ACTR1A: variants seen among roughly 807,000 people sequenced by gnomAD.
The protein encoded by ACTR1A is alpha-centractin.
In ACTR1A, 10 loss-of-function variants were observed where a neutral mutation model predicts 50.7. The observed-to-expected ratio is 0.20, with a 90% CI of 0.12 to 0.33. The LOEUF (loss-of-function observed/expected upper bound fraction) is 0.33. Among genes scored for constraint, ACTR1A ranks in the 10% least tolerant of loss-of-function variants. The pLI is 1.00. For missense variants in ACTR1A, 253 were observed against 491.7 expected (o/e 0.51, Z 4.59); for synonymous variants, 177 against 184.2 (o/e 0.96, Z 0.32).
At position 102,481,953 on chromosome 10, in the gene ACTR1A, C is replaced by G; in HGVS notation, c.925+48G>C. The G allele has an allele frequency of 1.9e-6, 3 of 1,613,792 alleles. No homozygotes were observed. The South Asian group carries it at 3.3e-5, about 18-fold the overall frequency. ...CAATTCTCAGGGTGCCTGGAGCCAG[C>G]AGGAGCTGAACACTTCCAGGGGAAG... On this transcript the variant is annotated intron_variant, in intron 8 of 10. Coordinates refer to ENST00000369905, the MANE Select transcript of ACTR1A (RefSeq NM_005736.4).
Position 102,483,179 on chromosome 10 carries a change from T to C in ACTR1A, c.658-76A>G, listed in dbSNP as rs557088470. The C allele has an allele frequency of 3.6e-6, 4 of 1,114,466 alleles. No homozygotes were observed. The African/African-American group carries it at 4.6e-5, about 13-fold the overall frequency. 69.0% of individuals were successfully genotyped at this position (1,114,466 alleles called of 1,614,324 possible). On this transcript the variant is annotated intron_variant, in intron 6 of 10. Transcript: ENST00000369905. ...CAGTCAAAGGCCCAGGGGAGGAATG[T>C]GCTGCTGCACAAACCTGTCTAAACG...
At chr10:102,502,178 G>A (rs1291748906) in intron 1 of ACTR1A, among the ~76,000 whole-genome samples, 1 of 152,250 alleles carries the variant, frequency 6.6e-6, no homozygotes, top group South Asian at 2.1e-4. Context: ...CGGCAAGGAA[G>A]AATGGCAGGG....
At chr10:102,496,675 A>T (rs1189543924) in intron 1 of ACTR1A, among the ~76,000 whole-genome samples, 1 of 152,238 alleles carries the variant, frequency 6.6e-6, no homozygotes, top group Non-Finnish European at 1.5e-5. Context: ...TTAGATAAAT[A>T]CATTGACTTC....
chr10:102,487,432 T>C (rs1025917089), intron 4 of ACTR1A, among the ~76,000 whole-genome samples: 2 of 151,530 alleles, frequency 1.3e-5, no homozygotes, highest in Non-Finnish European at 2.9e-5. Flanking sequence ...CACACAAAAT[T>C]AGCCGGGCAT....
chr10:102,484,419 C>T (rs773454442), intron 5 of ACTR1A, 43 bp from the exon 6 acceptor site: 9 of 1,512,862 alleles, frequency 5.9e-6, no homozygotes, highest in East Asian at 2.3e-5. Context: ...TGCCTCCTCA[C>T]GCTGGGAAGA....
chr10:102,482,163 G>A lies in ACTR1A; in HGVS notation c.763C>T (p.Arg255Ter). 1 of 1,612,774 alleles carries A rather than the reference G, an allele frequency of 6.2e-7. No homozygotes were observed. Among genetic ancestry groups the A allele is most frequent in the South Asian group, 1.1e-5 (1 of 91,086 alleles). Residue 255 changes from arginine (R) to a stop codon, truncating the protein, a stop_gained, in exon 8 of 11, where the codon CGA becomes TGA. Coordinates refer to ENST00000369905, the MANE Select transcript of ACTR1A (RefSeq NM_005736.4). LOFTEE classifies it high-confidence loss of function. The surrounding 1 kb of genome is among the most constrained non-coding windows in gnomAD (Gnocchi z 5.6). ...AAGAGCAACTCAGGGGCCCGGAATC[G>A]GGAAGGACCAATCTGCAGGTAGGAG... ...DGSTIEIGPS[R>*]FRAPELLFRP...
At chr10:102,494,378 C>G (rs1405261612) in intron 1 of ACTR1A, among the ~76,000 whole-genome samples, 1 of 152,160 alleles carries the variant, frequency 6.6e-6, no homozygotes, top group Admixed American at 6.5e-5. Context: ...TGTGCCTGTA[C>G]TCCTAGCTAC....
intron 1 of ACTR1A, among the ~76,000 whole-genome samples, chr10:102,492,759 T>C (rs2062200466): frequency 6.6e-6 from 1 of 151,840 alleles, no homozygotes; most frequent in Admixed American, 6.6e-5. Flanking sequence ...CCCAGCACTG[T>C]GGGAGGCCGA....
At chr10:102,501,026 G>A (rs1434610545) in intron 1 of ACTR1A, among the ~76,000 whole-genome samples, 2 of 150,740 alleles carry the variant, frequency 1.3e-5, no homozygotes, top group Non-Finnish European at 2.9e-5. Flanking sequence ...AGCTGTGATC[G>A]CGCCACTGCA....
chr10:102,483,991 A>G (rs2062154931), intron 6 of ACTR1A, 169 bp downstream of exon 6: 5 of 615,260 alleles, frequency 8.1e-6, no homozygotes, highest in Admixed American at 2.9e-5. Flanking sequence ...GCACGTCAGG[A>G]AGGCGAATCT....
At chr10:102,502,062 C>T (rs1010152070) in intron 1 of ACTR1A, among the ~76,000 whole-genome samples, 8 of 152,236 alleles carry the variant, frequency 5.3e-5, no homozygotes, top group East Asian at 1.9e-4. Context: ...CGTTCTCCAC[C>T]CGCGGGCGGG....
At position 102,482,282 on chromosome 10, in the gene ACTR1A, A is replaced by G; in HGVS notation, c.751-107T>C. ...CACGTCACTTAGTAACTGGGTGGCT[A>G]TGAAGGCCAGGCTCAAGACAGACTC... On this transcript the variant is annotated intron_variant, in intron 7 of 10. Transcript: ENST00000369905. The surrounding 1 kb of genome is among the most constrained non-coding windows in gnomAD (Gnocchi z 5.6). The G allele has an allele frequency of 7.3e-6, 8 of 1,101,132 alleles. No homozygotes were observed. The South Asian group carries it at 8.4e-5, about 12-fold the overall frequency. 68.2% of individuals were successfully genotyped at this position (1,101,132 alleles called of 1,614,324 possible).
rs772556686 is a variant in ACTR1A at position 102,488,313 on chromosome 10, C to T, written c.190-38G>A. The T allele has an allele frequency of 6.2e-6, 10 of 1,605,122 alleles. No homozygotes were observed. In the Admixed American group the frequency reaches 1.7e-4, roughly 27 times the overall value. ...AACAGGACTTACGACTGCAGTCAGG[C>T]TCCACCCAGGACCCTGTTCTCCCAA... On this transcript the variant is annotated intron_variant, in intron 3 of 10. Coordinates refer to ENST00000369905, the MANE Select transcript of ACTR1A (RefSeq NM_005736.4). This position sits in a 1 kb window ranked among gnomAD's most constrained non-coding sequence, Gnocchi z 4.4.
rs140829809 is a variant in ACTR1A, at chr10:102,495,240, T to C, written c.49-4627A>G. 2.2e-4 allele frequency among the ~76,000 whole-genome samples: 34 copies of C among 151,676 alleles called. No individual in the cohort carries two copies. The East Asian group carries it at 4.5e-3, about 20-fold the overall frequency. ...TGCCACTGCACTCCAGACTGGGCGA[T>C]AGAGTGAGCCTCTGCCTCAAAAAAT... On this transcript the variant is annotated intron_variant, in intron 1 of 10. Coordinates refer to ENST00000369905, the MANE Select transcript of ACTR1A (RefSeq NM_005736.4).
chr10:102,500,721 C>T (rs2062246439), intron 1 of ACTR1A, among the ~76,000 whole-genome samples: 1 of 151,988 alleles, frequency 6.6e-6, no homozygotes, highest in African/African-American at 2.4e-5. Context: ...CGCACAATTG[C>T]ACTCCAGCCT....
Position 102,484,322 on chromosome 10 carries a change from G to C in ACTR1A, c.495C>G (p.Thr165=). 1 of 1,614,174 alleles carries C rather than the reference G, an allele frequency of 6.2e-7. No individual in the cohort carries two copies. Among genetic ancestry groups the C allele is most frequent in the Non-Finnish European group, 8.5e-7 (1 of 1,180,034 alleles). Residue 165 remains threonine (T), a synonymous_variant, in exon 6 of 11, where the codon ACC becomes ACG. Transcript: ENST00000369905. ...GVVLDSGDGV[T]HAVPIYEGFA... ...AGCCCTCATAGATGGGCACAGCATGGGTGACTCCATCCCCAGAATCCAGCA... is the reference window on the plus strand; with the variant it reads ...AGCCCTCATAGATGGGCACAGCATGCGTGACTCCATCCCCAGAATCCAGCA...
chr10:102,484,124 C>G, intron 6 of ACTR1A, 36 bp downstream of exon 6: 2 of 1,606,398 alleles, frequency 1.2e-6, no homozygotes, highest in Non-Finnish European at 1.7e-6. Flanking sequence ...GCTCCCAACC[C>G]CCACTCCATC....
At chr10:102,502,458 A>G in intron 1 of ACTR1A, 142 bp downstream of exon 1, 1 of 826,272 alleles carries the variant, frequency 1.2e-6, no homozygotes, top group Non-Finnish European at 2.0e-6. Flanking sequence ...TGATAAGGGG[A>G]GGAAGGAGGC....
In ACTR1A at chr10:102,479,780, C is replaced by T. The variant is rs2062129251; in HGVS notation, c.*1083G>A. On this transcript the variant is annotated 3_prime_UTR_variant, in exon 11 of 11. Coordinates refer to ENST00000369905, the MANE Select transcript of ACTR1A (RefSeq NM_005736.4). This position sits in a 1 kb window ranked among gnomAD's most constrained non-coding sequence, Gnocchi z 4.0. The stretch of plus-strand genomic sequence containing the variant: ...AGGGCACTGGCTCTCCAACACCCCT[C>T]CCTTGCTTAGGGGCCTCTGCCAAAG... 1.1e-6 allele frequency: 1 copy of T among 912,202 alleles called. No homozygotes were observed. Among genetic ancestry groups the T allele is most frequent in the African/African-American group, 1.8e-5 (1 of 57,092 alleles). 56.5% of individuals were successfully genotyped at this position (912,202 alleles called of 1,614,324 possible). A position where few individuals can be genotyped will look rare whatever the true frequency, so the allele number is the denominator to read the frequency against.
Sources: gnomAD v4.1 joint callset for allele counts (sites outside exome capture counted in the v4.1 genomes callset) on GRCh38, gnomAD v4.1.1 for gene constraint, Gnocchi (gnomAD v3.1) non-coding constraint, MANE v1.5 for transcripts, NCBI Gene and HGNC (gene_info 2026-07-23, HGNC 2026-07-21) for gene names.